The following SLC25A21 variants were observed in gnomAD, a reference collection of about 807,000 sequenced individuals.
SLC25A21 encodes the protein solute carrier family 25 member 21.
In SLC25A21, 47 loss-of-function variants were observed where a neutral mutation model predicts 43.8. The observed-to-expected ratio is 1.07, with a 90% CI of 0.85 to 1.37. The LOEUF (loss-of-function observed/expected upper bound fraction) is 1.37, where lower values mean the gene tolerates loss of function less well. Ranked by LOEUF, SLC25A21 falls within the 40% of genes most tolerant of loss-of-function variation. The pLI is 0.00. For missense variants in SLC25A21, 352 were observed against 350.2 expected, an observed-to-expected ratio of 1.00 and a Z score of -0.04; for synonymous variants, 131 against 121.3, an observed-to-expected ratio of 1.08 and a Z score of -0.52.
intron 1 of SLC25A21, among the ~76,000 whole-genome samples, chr14:37,054,858 A>T (rs1566846557): frequency 6.6e-6 from 1 of 152,244 alleles, no homozygotes; most frequent in Non-Finnish European, 1.5e-5. Context: ...TTTGGAGCAA[A>T]TATCAAATCC....
chr14:36,877,160 C>T (rs1890559386), intron 1 of SLC25A21, among the ~76,000 whole-genome samples: 1 of 152,068 alleles, frequency 6.6e-6, no homozygotes, highest in Non-Finnish European at 1.5e-5. Flanking sequence ...AAAGCAAGTA[C>T]ACAAAGCTTC....
At chr14:36,890,382 C>T (rs374196249) in intron 1 of SLC25A21, among the ~76,000 whole-genome samples, 3 of 151,794 alleles carry the variant, frequency 2.0e-5, no homozygotes, top group Non-Finnish European at 4.4e-5. Flanking sequence ...TGCATGGCAG[C>T]GAGTAATTAT....
intron 6 of SLC25A21, among the ~76,000 whole-genome samples, chr14:36,713,174 G>A (rs1230977602): frequency 1.3e-5 from 2 of 152,116 alleles, no homozygotes; most frequent in Non-Finnish European, 2.9e-5. Flanking sequence ...GGCCATCTAA[G>A]TTTTAGAGCA....
Position 36,680,124 on chromosome 14 carries a change from C to T in SLC25A21, c.*534G>A. On this transcript the variant is annotated 3_prime_UTR_variant, in exon 10 of 10. Transcript: ENST00000331299. ...CATAGTATTCATAAAATTAAACATT[C>T]TTAAAAGGTCATTTTAGTGCACTTT... is the stretch of plus-strand genomic sequence containing the variant. 1 of 875,480 alleles carries T rather than the reference C, an allele frequency of 1.1e-6. No individual in the cohort carries two copies. Among genetic ancestry groups the T allele is most frequent in the Non-Finnish European group, 1.4e-6 (1 of 731,002 alleles). The allele number at this position is 875,480 out of a possible 1,614,324, so 54.2% of individuals were successfully genotyped here.
At chr14:37,036,215 G>A (rs1451537593) in intron 1 of SLC25A21, among the ~76,000 whole-genome samples, 1 of 151,842 alleles carries the variant, frequency 6.6e-6, no homozygotes, top group Non-Finnish European at 1.5e-5. Flanking sequence ...TCCTTTTTTG[G>A]AACACTTTTA....
At chr14:36,769,810 T>C (rs1343217574) in intron 3 of SLC25A21, among the ~76,000 whole-genome samples, 2 of 152,218 alleles carry the variant, frequency 1.3e-5, no homozygotes, top group Admixed American at 6.5e-5. Context: ...TCTAATGTCA[T>C]TTCTATTTTT....
intron 4 of SLC25A21, among the ~76,000 whole-genome samples, chr14:36,732,470 C>A (rs547704627): frequency 1.6e-4 from 25 of 152,120 alleles, no homozygotes; most frequent in African/African-American, 5.8e-4. Flanking sequence ...TTGCTAACTA[C>A]AATATTAACT....
At chr14:37,058,418 CCAA>C (rs887184834) in intron 1 of SLC25A21, among the ~76,000 whole-genome samples, 6 of 152,122 alleles carry the variant, frequency 3.9e-5, no homozygotes, top group Non-Finnish European at 7.3e-5. Context: ...TATATCACTT[CCAA>C]CAATATAAAA....
At chr14:37,038,427 C>T (rs1238395979) in intron 1 of SLC25A21, among the ~76,000 whole-genome samples, 1 of 152,158 alleles carries the variant, frequency 6.6e-6, no homozygotes, top group Non-Finnish European at 1.5e-5. Context: ...TTATTATTTG[C>T]CTTCTTAATT....
rs1229422522 is a variant in SLC25A21, at chr14:37,084,086, A to T, written c.70+88195T>A. 4.6e-5 allele frequency among the ~76,000 whole-genome samples: 7 copies of T among 151,830 alleles called. No individual in the cohort carries two copies. In the East Asian group the frequency reaches 1.2e-3, roughly 25 times the overall value. The stretch of plus-strand genomic sequence containing the variant: ...GTAATTATTAACACTGGTCTCTTTC[A>T]CTCTCAGAAGTGCCACAGCTTGAAC... On this transcript the variant is annotated intron_variant, in intron 1 of 9. Transcript: ENST00000331299.
chr14:36,883,682 T>A (rs1890823883), intron 1 of SLC25A21, among the ~76,000 whole-genome samples: 3 of 152,132 alleles, frequency 2.0e-5, no homozygotes, highest in Admixed American at 6.6e-5. Context: ...TATAAGAGAA[T>A]AAAACTGCTA....
chr14:36,865,852 T>C (rs1890198815), intron 2 of SLC25A21, among the ~76,000 whole-genome samples: 1 of 152,158 alleles, frequency 6.6e-6, no homozygotes, highest in Non-Finnish European at 1.5e-5. Context: ...AGTGCATATA[T>C]AACAACACGT....
At chr14:37,042,299 G>T (rs995400000) in intron 1 of SLC25A21, among the ~76,000 whole-genome samples, 1 of 152,100 alleles carries the variant, frequency 6.6e-6, no homozygotes, top group Non-Finnish European at 1.5e-5. Flanking sequence ...GAGTTATGTT[G>T]GGGAGGGGGA....
At chr14:37,013,670 AC>A (rs1170249568) in intron 1 of SLC25A21, among the ~76,000 whole-genome samples, 1 of 151,578 alleles carries the variant, frequency 6.6e-6, no homozygotes, top group Admixed American at 6.6e-5. Context: ...TTTACCCCTC[AC>A]CCCCCTCACC....
Position 36,894,495 on chromosome 14 carries a change from T to G in SLC25A21, c.71-19491A>C, listed in dbSNP as rs556061940. 2.0e-5 allele frequency among the ~76,000 whole-genome samples: 3 copies of G among 152,188 alleles called. No homozygotes were observed. The East Asian group carries it at 5.8e-4, about 29-fold the overall frequency. On this transcript the variant is annotated intron_variant, in intron 1 of 9. Coordinates refer to ENST00000331299, the MANE Select transcript of SLC25A21 (RefSeq NM_030631.4). ...TCATGTCATCTGCAAACAGGGACAA[T>G]TTGACTTCCTCTTTTCCTAATTGAA...
At position 37,112,310 on chromosome 14, in the gene SLC25A21, CATTCTCATTGTCA is replaced by C. The variant is rs562385966; in HGVS notation, c.70+59958_70+59970del. On this transcript the variant is annotated intron_variant, in intron 1 of 9. Coordinates refer to ENST00000331299, the MANE Select transcript of SLC25A21 (RefSeq NM_030631.4). ...GAGAACACTAGCTATTTACATTGAA[CATTCTCATTGTCA>C]ATACTCTAGTGTAAAAGAAGGGAGA... 6.1e-4 allele frequency among the ~76,000 whole-genome samples: 93 copies of C among 152,154 alleles called. 1 individual carries two copies. The highest frequency in any genetic ancestry group is 2.0e-3 in the African/African-American group (84 of 41,512).
chr14:36,854,485 T>G (rs1889839364), intron 2 of SLC25A21, among the ~76,000 whole-genome samples: 1 of 152,210 alleles, frequency 6.6e-6, no homozygotes, highest in Non-Finnish European at 1.5e-5. Context: ...CTCTTCAAAT[T>G]TCAGTTTCCT....
At chr14:37,087,769 C>G (rs1425747675) in intron 1 of SLC25A21, among the ~76,000 whole-genome samples, 2 of 152,210 alleles carry the variant, frequency 1.3e-5, no homozygotes, top group African/African-American at 4.8e-5. Context: ...AGTGCAAACA[C>G]TCTCCAACCA....
rs770762500 is a variant in SLC25A21, at chr14:36,725,655, C to G, written c.353G>C (p.Gly118Ala). Residue 118 changes from glycine to alanine, a missense_variant, in exon 6 of 10, where the codon GGA becomes GCA. Transcript: ENST00000331299. ...TACAATGGCTTCTGTTAGTCCAGAT[C>G]CCAATCCAGCAATGGCGAATGTCTA... is the stretch of plus-strand genomic sequence containing the variant. ...PALTFAIAGL[G>A]SGLTEAIVVN... is the part of the protein sequence containing the mutation. The G allele has an allele frequency of 6.3e-7, 1 of 1,596,642 alleles. No homozygotes were observed. The highest frequency in any genetic ancestry group is 1.1e-5 in the South Asian group (1 of 87,684).
Sources: gnomAD v4.1 joint callset for allele counts (sites outside exome capture counted in the v4.1 genomes callset) on GRCh38, gnomAD v4.1.1 for gene constraint, MANE v1.5 for transcripts, NCBI Gene and HGNC (gene_info 2026-07-23, HGNC 2026-07-21) for gene names.